ZBTB43: variants seen among roughly 807,000 people sequenced by gnomAD.
The protein encoded by ZBTB43 is zinc finger and BTB domain containing 43.
Under a neutral mutation model 31.1 loss-of-function variants are expected in ZBTB43, and 6 were observed. The observed-to-expected ratio is 0.19, with a 90% CI of 0.11 to 0.38. ZBTB43 has a LOEUF of 0.38. Ranked by LOEUF, ZBTB43 falls within the 10% of genes least tolerant of loss-of-function variation. The pLI is 1.00. For synonymous variants in ZBTB43, 212 were observed against 221.7 expected, an observed-to-expected ratio of 0.96 and a Z score of 0.39; for missense variants, 379 against 602.1, an observed-to-expected ratio of 0.63 and a Z score of 3.88.
intron 2 of ZBTB43, among the ~76,000 whole-genome samples, chr9:126,830,614 C>CT (rs2032744448): frequency 6.6e-6 from 1 of 152,170 alleles, no homozygotes; most frequent in Admixed American, 6.5e-5. Context: ...CACCACTGTA[C>CT]TCCAGCCTGG....
intron 2 of ZBTB43, among the ~76,000 whole-genome samples, chr9:126,821,584 G>A (rs2032509505): frequency 6.6e-6 from 1 of 152,176 alleles, no homozygotes; most frequent in African/African-American, 2.4e-5. Flanking sequence ...AATAGCAAGA[G>A]AAATAGAATT....
At chr9:126,809,678 C>T (rs1472709295) in intron 2 of ZBTB43, among the ~76,000 whole-genome samples, 1 of 152,048 alleles carries the variant, frequency 6.6e-6, no homozygotes, top group Admixed American at 6.6e-5. Flanking sequence ...TCATCTAGTT[C>T]AGGATTTCTT....
chr9:126,825,321 TC>T (rs2032607262), intron 2 of ZBTB43, among the ~76,000 whole-genome samples: 2 of 151,640 alleles, frequency 1.3e-5, no homozygotes, highest in South Asian at 4.2e-4. Flanking sequence ...ATTTTTTTTT[TC>T]CTTCTGCCTG....
chr9:126,814,325 AATGTAAATTTT>A (rs2032322482), intron 2 of ZBTB43, among the ~76,000 whole-genome samples: 1 of 149,618 alleles, frequency 6.7e-6, no homozygotes, highest in Non-Finnish European at 1.5e-5. Context: ...ACATCTGTAA[AATGTAAATTTT>A]ACATCTGTAA....
intron 2 of ZBTB43, among the ~76,000 whole-genome samples, chr9:126,821,077 A>G (rs2032498975): frequency 6.6e-6 from 1 of 151,926 alleles, no homozygotes; most frequent in East Asian, 1.9e-4. Context: ...GTAAATTGAA[A>G]ATGTTTTGGT....
In ZBTB43 at chr9:126,832,779, A is replaced by G. The variant is rs758133395; in HGVS notation, c.270A>G (p.Thr90=). 7 of 1,614,176 alleles carry G rather than the reference A, an allele frequency of 4.3e-6. No homozygotes were observed. The South Asian group carries it at 7.7e-5, about 18-fold the overall frequency. ...AGAACATTCTCCTATCTAGTTATAC[A>G]GGACGTCTAGTAATGCCCGCTCCAG... ...VFENILLSSY[T]GRLVMPAPEI... Residue 90 remains threonine, a synonymous_variant, in exon 3 of 3, where the codon ACA becomes ACG. Transcript: ENST00000373464.
At chr9:126,809,725 A>G (rs2032201304) in intron 2 of ZBTB43, among the ~76,000 whole-genome samples, 1 of 152,196 alleles carries the variant, frequency 6.6e-6, no homozygotes, top group African/African-American at 2.4e-5. Flanking sequence ...AAAAAAGCCA[A>G]ATAGCTTTTA....
At chr9:126,825,786 C>T (rs534893827) in intron 2 of ZBTB43, among the ~76,000 whole-genome samples, 44 of 151,888 alleles carry the variant, frequency 2.9e-4, no homozygotes, top group Admixed American at 5.2e-4. Context: ...CAGTTCAGCC[C>T]GTAATGCATC....
At chr9:126,829,133 G>A (rs920994282) in intron 2 of ZBTB43, among the ~76,000 whole-genome samples, 2 of 152,150 alleles carry the variant, frequency 1.3e-5, no homozygotes, top group Non-Finnish European at 2.9e-5. Flanking sequence ...CTGGCAAGTA[G>A]TTTGGTAATA....
At chr9:126,825,516 C>A (rs1040197241) in intron 2 of ZBTB43, among the ~76,000 whole-genome samples, 1 of 152,142 alleles carries the variant, frequency 6.6e-6, no homozygotes, top group Non-Finnish European at 1.5e-5. Context: ...CTTCTGTGGC[C>A]TTCTTCCTCA....
chr9:126,806,764 T>TTCCTACTTATTCCTA, intron 1 of ZBTB43, among the ~76,000 whole-genome samples: 1 of 152,204 alleles, frequency 6.6e-6, no homozygotes, highest in Non-Finnish European at 1.5e-5. Flanking sequence ...TGAACCTGTG[T>TTCCTACTTATTCCTA]TTATTGATTC....
chr9:126,824,292 T>C (rs1301158689), intron 2 of ZBTB43, among the ~76,000 whole-genome samples: 1 of 152,244 alleles, frequency 6.6e-6, no homozygotes, highest in Non-Finnish European at 1.5e-5. Flanking sequence ...TCCAAAGTGC[T>C]GGGATTATAG....
intron 1 of ZBTB43, among the ~76,000 whole-genome samples, chr9:126,807,100 T>G (rs551410841): frequency 6.6e-6 from 1 of 152,230 alleles, no homozygotes; most frequent in Non-Finnish European, 1.5e-5. Context: ...TATTTGCCTT[T>G]AAGGTAGTTT....
chr9:126,808,037 G>A lies in ZBTB43; in HGVS notation c.-146-756G>A, dbSNP rs7034722. 7.1e-3 allele frequency among the ~76,000 whole-genome samples: 1,075 copies of A among 152,242 alleles called. 12 individuals are homozygous for A. The highest frequency in any genetic ancestry group is 0.025 in the African/African-American group (1,044 of 41,546). On this transcript the variant is annotated intron_variant, in intron 1 of 2. Transcript: ENST00000373464. Reference sequence around the variant, plus strand: ...GAAAAAATATTTTTTAAAATTTGTCGATATGTTGTTAATTTCTTGAAATGA... The same window carrying A: ...GAAAAAATATTTTTTAAAATTTGTCAATATGTTGTTAATTTCTTGAAATGA...
chr9:126,821,638 G>A (rs571370220), intron 2 of ZBTB43, among the ~76,000 whole-genome samples: 7 of 152,190 alleles, frequency 4.6e-5, no homozygotes, highest in Non-Finnish European at 8.8e-5. Context: ...GCAAAGGCAT[G>A]GTAAAACTTG....
Position 126,830,874 on chromosome 9 carries a change from A to G in ZBTB43, c.-23-1613A>G, listed in dbSNP as rs189951476. On this transcript the variant is annotated intron_variant, in intron 2 of 2. Coordinates refer to ENST00000373464, the MANE Select transcript of ZBTB43 (RefSeq NM_014007.4). ...GACTTACCCCACAGAATATATTTAC[A>G]GTAGCAACACAGGCAATGCCTTAGT... Among the ~76,000 whole-genome samples, 628 of 152,226 alleles carry G rather than the reference A, an allele frequency of 4.1e-3. 3 individuals are homozygous for G. Among genetic ancestry groups the G allele is most frequent in the Non-Finnish European group, 7.0e-3 (478 of 68,008 alleles).
chr9:126,833,981 C>T lies in ZBTB43; in HGVS notation c.*68C>T. 1 of 1,428,884 alleles carries T rather than the reference C, an allele frequency of 7.0e-7. No homozygotes were observed. Among genetic ancestry groups the T allele is most frequent in the Non-Finnish European group, 9.4e-7 (1 of 1,064,608 alleles). The allele number at this position is 1,428,884 out of a possible 1,614,324, so 88.5% of individuals were successfully genotyped here. Reference sequence around the variant, plus strand: ...ATGGTAATTAATGCAAATCTGGGCACAGATGATGCGTGCTACTTGCTATTA... The same window carrying T: ...ATGGTAATTAATGCAAATCTGGGCATAGATGATGCGTGCTACTTGCTATTA... On this transcript the variant is annotated 3_prime_UTR_variant, in exon 3 of 3. Transcript: ENST00000373464. The surrounding 1 kb of genome is among the most constrained non-coding windows in gnomAD (Gnocchi z 7.9).
At position 126,812,224 on chromosome 9, in the gene ZBTB43, C is replaced by T. The variant is rs528942883; in HGVS notation, c.-24+3309C>T. 3.3e-5 allele frequency among the ~76,000 whole-genome samples: 5 copies of T among 152,140 alleles called. No individual in the cohort carries two copies. The South Asian group carries it at 8.3e-4, about 25-fold the overall frequency. ...TAGCATAACGTTTTCAAGTGCCAGCCGTGTTGTCACATCTATCAGTATTTC... is the reference window on the plus strand; with the variant it reads ...TAGCATAACGTTTTCAAGTGCCAGCTGTGTTGTCACATCTATCAGTATTTC... On this transcript the variant is annotated intron_variant, in intron 2 of 2. Transcript: ENST00000373464.
At chr9:126,805,484 C>T (rs1334464611) in intron 1 of ZBTB43, among the ~76,000 whole-genome samples, 1 of 152,226 alleles carries the variant, frequency 6.6e-6, no homozygotes, top group Admixed American at 6.5e-5. Context: ...GGCTTGACGA[C>T]CTCGGGTTCG....
Sources: allele counts gnomAD v4.1 joint callset (sites outside exome capture counted in the v4.1 genomes callset), GRCh38; gene constraint gnomAD v4.1.1; non-coding constraint Gnocchi (gnomAD v3.1); transcripts MANE v1.5; gene names NCBI Gene and HGNC (gene_info 2026-07-23, HGNC 2026-07-21).